The following OR4E2 variants were observed in gnomAD, a reference collection of about 807,000 sequenced individuals.
OR4E2 encodes the protein olfactory receptor 4E2.
OR4E2 carries 9 observed loss-of-function variants against 11.0 expected under a neutral mutation model. The observed-to-expected ratio is 0.82, with a 90% CI of 0.49 to 1.43. OR4E2 has a LOEUF of 1.43. Ranked by LOEUF, OR4E2 falls within the 40% of genes most tolerant of loss-of-function variation. The probability of loss-of-function intolerance (pLI) is 0.00; values close to 1 mark genes in which losing one functional copy is unlikely to be tolerated. For missense variants in OR4E2, 441 were observed against 382.0 expected, an observed-to-expected ratio of 1.15 and a Z score of -1.29; for synonymous variants, 159 against 147.3, an observed-to-expected ratio of 1.08 and a Z score of -0.57.
At chr14:21,657,433 TTC>T (rs1491135580) in intron 2 of OR4E2, among the ~76,000 whole-genome samples, 4 of 112,892 alleles carry the variant, frequency 3.5e-5, no homozygotes, top group Non-Finnish European at 5.4e-5. Context: ...TCTTTCTTTC[TTC>T]TTTCTTTCCT....
chr14:21,664,066 T>A (rs921588616), intron 3 of OR4E2, among the ~76,000 whole-genome samples: 3 of 152,234 alleles, frequency 2.0e-5, no homozygotes, highest in African/African-American at 7.2e-5. Flanking sequence ...TGAGCATACA[T>A]GTACATGTAT....
chr14:21,660,116 TGGG>T (rs1880235477), intron 2 of OR4E2, among the ~76,000 whole-genome samples: 1 of 152,052 alleles, frequency 6.6e-6, no homozygotes, highest in Non-Finnish European at 1.5e-5. Context: ...TTCCATGGAC[TGGG>T]GGTGGGGGCG....
intron 2 of OR4E2, among the ~76,000 whole-genome samples, chr14:21,660,121 G>A (rs961349367): frequency 7.2e-5 from 11 of 152,112 alleles, no homozygotes; most frequent in African/African-American, 2.7e-4. Context: ...TGGACTGGGG[G>A]TGGGGGCGAT....
chr14:21,664,262 C>G (rs550831947), intron 3 of OR4E2, among the ~76,000 whole-genome samples: 3 of 152,282 alleles, frequency 2.0e-5, no homozygotes, highest in East Asian at 3.9e-4. Context: ...TCACCAACAT[C>G]TGTTCTTCTG....
intron 1 of OR4E2, among the ~76,000 whole-genome samples, chr14:21,656,227 G>A (rs1343155903): frequency 1.3e-5 from 2 of 152,010 alleles, no homozygotes; most frequent in African/African-American, 2.4e-5. Context: ...GACATGGTTG[G>A]TGTGTGCCTG....
At chr14:21,654,515 A>C (rs1879833341) in intron 1 of OR4E2, among the ~76,000 whole-genome samples, 1 of 151,914 alleles carries the variant, frequency 6.6e-6, no homozygotes, top group African/African-American at 2.4e-5. Flanking sequence ...GTCCTTTGGT[A>C]TACATGGGAG....
chr14:21,665,243 G>A lies in OR4E2; in HGVS notation c.161G>A (p.Ser54Asn), dbSNP rs1324350267. The change falls in exon 4 of 4, where the codon AGT becomes AAT. Residue 54 changes from serine (S) to asparagine (N), a missense_variant. By Grantham distance (46) the Ser-to-Asn change is conservative. Transcript: ENST00000641524. ...ATCATTGCCACAGTCTTTACTCCAA[G>A]TCTCCATACCCCCATGTATTTCTTC... ...LIIIATVFTP[S>N]LHTPMYFFLS... is the part of the protein sequence containing the mutation. 6.2e-7 allele frequency: 1 copy of A among 1,614,048 alleles called. No homozygotes were observed. Among genetic ancestry groups the A allele is most frequent in the Non-Finnish European group, 8.5e-7 (1 of 1,179,990 alleles).
Position 21,665,217 on chromosome 14 carries a change from C to A in OR4E2, c.135C>A (p.Ile45=). The change falls in exon 4 of 4, where the codon ATC becomes ATA. Residue 45 remains isoleucine, a synonymous_variant. Transcript: ENST00000641524. ...TAACGCTTTCGGGGAACATTCTCATCATCATTGCCACAGTCTTTACTCCAA... is the reference window on the plus strand; with the variant it reads ...TAACGCTTTCGGGGAACATTCTCATAATCATTGCCACAGTCTTTACTCCAA... ...YMLTLSGNIL[I]IIATVFTPSL... 6.2e-7 allele frequency: 1 copy of A among 1,613,990 alleles called. No individual in the cohort carries two copies. Among genetic ancestry groups the A allele is most frequent in the Non-Finnish European group, 8.5e-7 (1 of 1,179,904 alleles).
rs1383508425 is a variant in OR4E2 at position 21,665,662 on chromosome 14, C to G, written c.580C>G (p.Leu194Val). Residue 194 changes from leucine to valine, a missense_variant, in exon 4 of 4, where the codon CTC becomes GTC. Transcript: ENST00000641524. Reference sequence around the variant, plus strand: ...CAAGCTGGCCTGCACAGATACATACCTCACAGGAATACTGATTGTGACCAA... The same window carrying G: ...CAAGCTGGCCTGCACAGATACATACGTCACAGGAATACTGATTGTGACCAA... The part of the protein sequence containing the change: ...VIKLACTDTY[L>V]TGILIVTNSG... The G allele has an allele frequency of 6.2e-7, 1 of 1,614,162 alleles. No individual in the cohort carries two copies. The highest frequency in any genetic ancestry group is 8.5e-7 in the Non-Finnish European group (1 of 1,180,010).
Position 21,665,119 on chromosome 14 carries a change from G to A in OR4E2, c.37G>A (p.Val13Ile). Residue 13 changes from valine to isoleucine, a missense_variant, in exon 4 of 4, where the codon GTC becomes ATC. By Grantham distance (29) the Val-to-Ile change is conservative. Transcript: ENST00000641524. ...AAACCAAACAAGAGTGACTGAATTT[G>A]TCTTCTTGGGACTCACTGATAACCG... ...SLNQTRVTEF[V>I]FLGLTDNRVL... 1.2e-6 allele frequency: 2 copies of A among 1,612,932 alleles called. No individual in the cohort carries two copies. Among genetic ancestry groups the A allele is most frequent in the Non-Finnish European group, 8.5e-7 (1 of 1,179,426 alleles).
At chr14:21,663,868 C>T (rs1400083144) in intron 3 of OR4E2, among the ~76,000 whole-genome samples, 1 of 152,140 alleles carries the variant, frequency 6.6e-6, no homozygotes, top group African/African-American at 2.4e-5. Context: ...GTTTTCTGTT[C>T]CTGCATTAGT....
At chr14:21,659,394 C>T (rs976543654) in intron 2 of OR4E2, among the ~76,000 whole-genome samples, 12 of 152,078 alleles carry the variant, frequency 7.9e-5, no homozygotes, top group African/African-American at 2.9e-4. Context: ...TCCTTTATGC[C>T]AGTTACTTTG....
intron 1 of OR4E2, among the ~76,000 whole-genome samples, chr14:21,655,173 A>C (rs1383036864): frequency 6.6e-6 from 1 of 152,254 alleles, no homozygotes; most frequent in African/African-American, 2.4e-5. Flanking sequence ...GCATTCCATA[A>C]TGAAAATAAA....
intron 1 of OR4E2, among the ~76,000 whole-genome samples, chr14:21,654,587 A>G (rs1184212674): frequency 6.6e-6 from 1 of 152,104 alleles, no homozygotes; most frequent in Middle Eastern, 3.2e-3. Context: ...CAGAACTGGT[A>G]TATACTAAGT....
At chr14:21,659,557 A>T (rs779125259) in intron 2 of OR4E2, among the ~76,000 whole-genome samples, 2 of 152,176 alleles carry the variant, frequency 1.3e-5, no homozygotes, top group Non-Finnish European at 2.9e-5. Context: ...CATTTTAGCC[A>T]GTTGCTGAGT....
Position 21,665,978 on chromosome 14 carries a change from A to G in OR4E2, c.896A>G (p.Lys299Arg), listed in dbSNP as rs1245955227. 6.2e-7 allele frequency: 1 copy of G among 1,614,058 alleles called. No homozygotes were observed. The highest frequency in any genetic ancestry group is 8.5e-7 in the Non-Finnish European group (1 of 1,180,036). Residue 299 changes from lysine (K) to arginine (R), a missense_variant, in exon 4 of 4, where the codon AAG becomes AGG. Coordinates refer to ENST00000641524, the MANE Select transcript of OR4E2 (RefSeq NM_001001912.3). ...AATGAGGAGGTAAAAAGTGCCATGAAGCAGCTCAGGCAGAGACAAGTTTTT... is the reference window on the plus strand; with the variant it reads ...AATGAGGAGGTAAAAAGTGCCATGAGGCAGCTCAGGCAGAGACAAGTTTTT... ...LRNEEVKSAM[K>R]QLRQRQVFFT...
At chr14:21,661,559 T>A (rs1050515094) in intron 3 of OR4E2, among the ~76,000 whole-genome samples, 6 of 152,234 alleles carry the variant, frequency 3.9e-5, no homozygotes, top group African/African-American at 1.4e-4. Context: ...GTATTAATAG[T>A]GCTGATGGGT....
intron 2 of OR4E2, among the ~76,000 whole-genome samples, chr14:21,659,612 A>G (rs1880199776): frequency 6.6e-6 from 1 of 152,194 alleles, no homozygotes; most frequent in Non-Finnish European, 1.5e-5. Context: ...TTGGGAAGCA[A>G]TTTGATAATA....
chr14:21,665,074 G>A lies in OR4E2; in HGVS notation c.-8-1G>A. The A allele has an allele frequency of 1.3e-6, 2 of 1,525,760 alleles. No individual in the cohort carries two copies. The highest frequency in any genetic ancestry group is 1.8e-6 in the Non-Finnish European group (2 of 1,112,526). 94.5% of individuals were successfully genotyped at this position (1,525,760 alleles called of 1,614,324 possible). On this transcript the variant is annotated splice_acceptor_variant, in intron 3 of 3. Coordinates refer to ENST00000641524, the MANE Select transcript of OR4E2 (RefSeq NM_001001912.3). LOFTEE classifies it low-confidence loss of function (5UTR_SPLICE). ...TTAGCTTTCATTTTTTCCCCCCTAA[G>A]CTCATTGAATGGACAGTCTAAACCA...
Sources: allele counts gnomAD v4.1 joint callset (sites outside exome capture counted in the v4.1 genomes callset), GRCh38; gene constraint gnomAD v4.1.1; transcripts MANE v1.5; gene names NCBI Gene and HGNC (gene_info 2026-07-23, HGNC 2026-07-21).